Variants in MRPL18 observed in about 807,000 individuals in gnomAD.
MRPL18 encodes the protein large ribosomal subunit protein uL18m.
A neutral mutation model predicts 20.9 loss-of-function variants in MRPL18; 16 were observed. The ratio of observed to expected loss-of-function variants is 0.76; its 90% CI spans 0.52 to 1.16. The LOEUF (loss-of-function observed/expected upper bound fraction) is 1.16, where lower values mean the gene tolerates loss of function less well. Ranked by LOEUF, MRPL18 falls within the 50% of genes most tolerant of loss-of-function variation. MRPL18 has a pLI of 0.00. For synonymous variants in MRPL18, 91 were observed against 87.1 expected (o/e 1.04, Z -0.25); for missense variants, 233 against 230.6 (o/e 1.01, Z -0.07).
chr6:159,797,179 A>T, intron 2 of MRPL18, 108 bp from the exon 3 acceptor site: 1 of 1,099,796 alleles, frequency 9.1e-7, no homozygotes, highest in Non-Finnish European at 1.3e-6. Flanking sequence ...AAGTAAATGA[A>T]CCAAACACTG....
In MRPL18 at chr6:159,791,044, C is replaced by T; in HGVS notation, c.157C>T (p.Pro53Ser). Reference protein sequence around the residue: ...AVAPEFTNRNPRNLELLSVAR... With the variant: ...AVAPEFTNRNSRNLELLSVAR... ...CGCCCCAGAATTCACCAACCGGAACCCCCGGAACCTGGAGCTTTTATCTGT... is the reference window on the plus strand; with the variant it reads ...CGCCCCAGAATTCACCAACCGGAACTCCCGGAACCTGGAGCTTTTATCTGT... The change falls in exon 2 of 4, where the codon CCC becomes TCC. Residue 53 changes from proline to serine, a missense_variant. Coordinates refer to ENST00000367034, the MANE Select transcript of MRPL18 (RefSeq NM_014161.5). 1 of 1,614,212 alleles carries T rather than the reference C, an allele frequency of 6.2e-7. No homozygotes were observed. The highest frequency in any genetic ancestry group is 8.5e-7 in the Non-Finnish European group (1 of 1,180,030).
chr6:159,796,167 TGTCCATCA>T (rs1781025083), intron 2 of MRPL18, among the ~76,000 whole-genome samples: 1 of 149,660 alleles, frequency 6.7e-6, no homozygotes. Flanking sequence ...CAGCAAATTT[TGTCCATCA>T]TTTCTTTTTT....
At chr6:159,797,017 C>T (rs571477898) in intron 2 of MRPL18, among the ~76,000 whole-genome samples, 1 of 151,960 alleles carries the variant, frequency 6.6e-6, no homozygotes, top group African/African-American at 2.4e-5. Flanking sequence ...CTTCAAATCT[C>T]TTTTTGAAGT....
At chr6:159,795,150 C>T (rs9347348) in intron 2 of MRPL18, among the ~76,000 whole-genome samples, 17,958 of 152,280 alleles carry the variant, frequency 0.12, 1,395 homozygotes, top group East Asian at 0.32. Flanking sequence ...GTAGATGGAA[C>T]GTACAATCGG....
chr6:159,797,836 CCATATAATATTTTGA>C (rs962283571), intron 3 of MRPL18, among the ~76,000 whole-genome samples: 6 of 152,256 alleles, frequency 3.9e-5, no homozygotes, highest in African/African-American at 1.4e-4. Flanking sequence ...GACATCTTGT[CCATATAATATTTTGA>C]AATGCTGCTG....
chr6:159,797,926 G>GC, intron 3 of MRPL18, 126 bp from the exon 4 acceptor site: 1 of 758,570 alleles, frequency 1.3e-6, no homozygotes, highest in Admixed American at 2.9e-5. Context: ...CTGAAAAACC[G>GC]TTGTAGGCTG....
In MRPL18 at chr6:159,790,498, T is replaced by C; in HGVS notation, c.-90T>C. 1.3e-6 allele frequency: 2 copies of C among 1,576,664 alleles called. No individual in the cohort carries two copies. The highest frequency in any genetic ancestry group is 1.7e-6 in the Non-Finnish European group (2 of 1,148,612). On this transcript the variant is annotated 5_prime_UTR_variant, in exon 1 of 4. Transcript: ENST00000367034. Reference sequence around the variant, plus strand: ...TTGGGGATCTACAGCAGCCAAAGGCTTGTCCCTGACTTTATATGGCTGCTC... The same window carrying C: ...TTGGGGATCTACAGCAGCCAAAGGCCTGTCCCTGACTTTATATGGCTGCTC...
intron 2 of MRPL18, among the ~76,000 whole-genome samples, chr6:159,795,139 A>G (rs992587648): frequency 3.9e-5 from 6 of 152,210 alleles, no homozygotes; most frequent in South Asian, 4.1e-4. Flanking sequence ...TCCCTAACTC[A>G]GTAGATGGAA....
chr6:159,793,737 G>A (rs1200752663), intron 2 of MRPL18, among the ~76,000 whole-genome samples: 1 of 152,016 alleles, frequency 6.6e-6, no homozygotes, highest in Admixed American at 6.6e-5. Context: ...GTGAAACCCC[G>A]TCTCTACTAA....
At chr6:159,795,950 A>AT (rs1781019103) in intron 2 of MRPL18, among the ~76,000 whole-genome samples, 1 of 151,612 alleles carries the variant, frequency 6.6e-6, no homozygotes, top group African/African-American at 2.4e-5. Flanking sequence ...CGCCTGGCTG[A>AT]TTTTTTCTAT....
At chr6:159,793,245 T>C (rs1036000259) in intron 2 of MRPL18, among the ~76,000 whole-genome samples, 1 of 152,348 alleles carries the variant, frequency 6.6e-6, no homozygotes, top group Admixed American at 6.5e-5. Flanking sequence ...CAGAATATTA[T>C]AGTAGGAAAT....
chr6:159,790,463 C>A, upstream of MRPL18: 1 of 1,275,444 alleles, frequency 7.8e-7, no homozygotes, highest in Non-Finnish European at 1.1e-6. Flanking sequence ...TGGCGTCTGG[C>A]GTGGAGAGTT....
Position 159,797,411 on chromosome 6 carries a change from G to A in MRPL18, c.364G>A (p.Val122Met), listed in dbSNP as rs146888147. 2.5e-6 allele frequency: 4 copies of A among 1,614,182 alleles called. No individual in the cohort carries two copies. Among genetic ancestry groups the A allele is most frequent in the East Asian group, 2.2e-5 (1 of 44,886 alleles). Residue 122 changes from valine (V) to methionine (M), a missense_variant, in exon 3 of 4, where the codon GTG becomes ATG. Transcript: ENST00000367034. ...IKKHLYSTRN[V>M]VACESIGRVL... is the part of the protein sequence containing the mutation. The stretch of plus-strand genomic sequence containing the variant: ...AAAGCACCTTTATAGTACCAGAAAT[G>A]TGGTGGCTTGTGAGAGTATAGGACG...
chr6:159,790,652 G>GCC lies in MRPL18; in HGVS notation c.52+18_52+19dup, dbSNP rs1562487723. ...TGCAGGAACCCTGGTAATTAGTCTT[G>GCC]CCCCCCTTCTCCCAGCTCACTCGCC... On this transcript the variant is annotated intron_variant, in intron 1 of 3. Transcript: ENST00000367034. 1 of 1,613,854 alleles carries GCC rather than the reference G, an allele frequency of 6.2e-7. No homozygotes were observed. The highest frequency in any genetic ancestry group is 1.1e-5 in the South Asian group (1 of 91,066).
chr6:159,797,926 G>A (rs1358661999), intron 3 of MRPL18, 126 bp from the exon 4 acceptor site: 5 of 758,570 alleles, frequency 6.6e-6, no homozygotes, highest in Non-Finnish European at 1.1e-5. Context: ...CTGAAAAACC[G>A]TTGTAGGCTG....
At chr6:159,790,103 T>G (rs1780825278), upstream of MRPL18, 1 of 185,694 alleles carries the variant, frequency 5.4e-6, no homozygotes, top group Non-Finnish European at 1.2e-5. Context: ...GGGCAGTTTT[T>G]CCAGCGGGCC....
rs1177458384 is a variant in MRPL18 at position 159,791,078 on chromosome 6, A to G, written c.191A>G (p.Lys64Arg). 1.2e-6 allele frequency: 2 copies of G among 1,614,092 alleles called. No homozygotes were observed. Among genetic ancestry groups the G allele is most frequent in the Non-Finnish European group, 1.7e-6 (2 of 1,180,046 alleles). The change falls in exon 2 of 4, where the codon AAA becomes AGA. Residue 64 changes from lysine (K) to arginine (R), a missense_variant. Coordinates refer to ENST00000367034, the MANE Select transcript of MRPL18 (RefSeq NM_014161.5). ...RNLELLSVAR[K>R]ERGWRTVFPS... The stretch of plus-strand genomic sequence containing the variant: ...CTGGAGCTTTTATCTGTAGCCAGGA[A>G]AGAGCGGGGCTGGCGGACGGTGTTT...
At chr6:159,794,200 C>G (rs2115008885) in intron 2 of MRPL18, among the ~76,000 whole-genome samples, 1 of 152,304 alleles carries the variant, frequency 6.6e-6, no homozygotes, top group South Asian at 2.1e-4. Flanking sequence ...ACGATAAACA[C>G]TTCCGCATCT....
upstream of MRPL18, chr6:159,790,462 G>A: frequency 7.9e-7 from 1 of 1,273,182 alleles, no homozygotes. Context: ...GTGGCGTCTG[G>A]CGTGGAGAGT....
Sources: allele counts gnomAD v4.1 joint callset (sites outside exome capture counted in the v4.1 genomes callset), GRCh38; gene constraint gnomAD v4.1.1; transcripts MANE v1.5; gene names NCBI Gene and HGNC (gene_info 2026-07-23, HGNC 2026-07-21).